The following RCSD1 variants were observed in gnomAD, a reference collection of about 807,000 sequenced individuals.
RCSD1 encodes RCSD domain containing 1.
RCSD1 carries 26 observed loss-of-function variants against 42.5 expected under a neutral mutation model. The ratio of observed to expected loss-of-function variants is 0.61; its 90% CI spans 0.45 to 0.85. RCSD1 has a LOEUF of 0.85. Ranked by LOEUF, RCSD1 falls within the 40% of genes least tolerant of loss-of-function variation. The pLI is 0.00. For missense variants in RCSD1, 571 were observed against 528.3 expected, an observed-to-expected ratio of 1.08 and a Z score of -0.79; for synonymous variants, 220 against 212.2, an observed-to-expected ratio of 1.04 and a Z score of -0.32.
intron 1 of RCSD1, among the ~76,000 whole-genome samples, chr1:167,669,550 T>A (rs1314078709): frequency 1.3e-5 from 2 of 152,148 alleles, no homozygotes; most frequent in African/African-American, 2.4e-5. Context: ...TTACATGGAG[T>A]ACTAGGCAAA....
chr1:167,658,199 G>A (rs1658463656), intron 1 of RCSD1, among the ~76,000 whole-genome samples: 1 of 152,146 alleles, frequency 6.6e-6, no homozygotes, highest in Admixed American at 6.5e-5. Context: ...CCTGTGTCCA[G>A]CCTCCAGAAA....
In RCSD1 at chr1:167,704,079, G is replaced by A. The variant is rs147343157; in HGVS notation, c.1219-585G>A. Among the ~76,000 whole-genome samples the A allele has an allele frequency of 3.9e-4, 60 of 152,264 alleles. No homozygotes were observed. The East Asian group carries it at 7.9e-3, about 20-fold the overall frequency. The stretch of plus-strand genomic sequence containing the variant: ...TGATGGGGACGAGGCTGGAGTCCTG[G>A]TACAGCTCCTAGCACAGAAGGATCT... On this transcript the variant is annotated intron_variant, in intron 6 of 6. Coordinates refer to ENST00000367854, the MANE Select transcript of RCSD1 (RefSeq NM_052862.4).
intron 1 of RCSD1, among the ~76,000 whole-genome samples, chr1:167,647,621 C>A (rs1341742899): frequency 2.0e-5 from 3 of 152,066 alleles, no homozygotes; most frequent in Non-Finnish European, 2.9e-5. Context: ...CACCTGTAGT[C>A]CCAGCTATTC....
intron 6 of RCSD1, among the ~76,000 whole-genome samples, chr1:167,700,029 T>G (rs1486120999): frequency 6.6e-6 from 1 of 152,234 alleles, no homozygotes; most frequent in Non-Finnish European, 1.5e-5. Flanking sequence ...TTAATTGTAT[T>G]TCTCTACTCC....
intron 1 of RCSD1, among the ~76,000 whole-genome samples, chr1:167,675,787 A>G (rs1255582312): frequency 6.6e-6 from 1 of 152,198 alleles, no homozygotes; most frequent in East Asian, 1.9e-4. Context: ...TGCCTTAGTA[A>G]TAAAATAGCC....
chr1:167,635,550 G>T (rs964370338), intron 1 of RCSD1, among the ~76,000 whole-genome samples: 2 of 152,238 alleles, frequency 1.3e-5, no homozygotes, highest in South Asian at 2.1e-4. Flanking sequence ...AGCTTGGCGC[G>T]CGCGGTTCCG....
At chr1:167,634,805 T>C (rs1209915017) in intron 1 of RCSD1, among the ~76,000 whole-genome samples, 4 of 152,204 alleles carry the variant, frequency 2.6e-5, no homozygotes, top group Admixed American at 2.6e-4. Context: ...CCAGATATTA[T>C]TTGTCATTCA....
rs1659780029 is a variant in RCSD1 at position 167,707,320 on chromosome 1, C to G, written c.*2624C>G. 6.6e-6 allele frequency among the ~76,000 whole-genome samples: 1 copy of G among 152,234 alleles called. No individual in the cohort carries two copies. Among genetic ancestry groups the G allele is most frequent in the African/African-American group, 2.4e-5 (1 of 41,460 alleles). On this transcript the variant is annotated 3_prime_UTR_variant, in exon 7 of 7. Transcript: ENST00000367854. ...TCAAAGAAATAAATGCGTGAAAAGG[C>G]AACCAGTTCATCATCTTATGATTAG...
Position 167,652,691 on chromosome 1 carries a change from G to T in RCSD1, c.6+22262G>T, listed in dbSNP as rs998999521. On this transcript the variant is annotated intron_variant, in intron 1 of 6. Transcript: ENST00000367854. ...TTGATTTGCTGTTATGTGACTCATCGCAGGGCACAAAGCATGGGGGATTTT... is the reference window on the plus strand; with the variant it reads ...TTGATTTGCTGTTATGTGACTCATCTCAGGGCACAAAGCATGGGGGATTTT... Among the ~76,000 whole-genome samples, 2 of 152,102 alleles carry T rather than the reference G, an allele frequency of 1.3e-5. 1 individual carries two copies. Among genetic ancestry groups the T allele is most frequent in the Admixed American group, 1.3e-4 (2 of 15,262 alleles).
intron 4 of RCSD1, among the ~76,000 whole-genome samples, chr1:167,691,624 G>T (rs1298527801): frequency 1.3e-5 from 2 of 152,250 alleles, no homozygotes; most frequent in Non-Finnish European, 2.9e-5. Flanking sequence ...GGCATCAGAG[G>T]TGTCAAGACG....
intron 1 of RCSD1, among the ~76,000 whole-genome samples, chr1:167,632,444 C>T (rs1195248166): frequency 6.6e-6 from 1 of 152,154 alleles, no homozygotes; most frequent in Non-Finnish European, 1.5e-5. Flanking sequence ...GTTTCTCCCC[C>T]CTCAGATGAG....
chr1:167,691,449 C>T (rs981648204), intron 4 of RCSD1, among the ~76,000 whole-genome samples: 8 of 152,328 alleles, frequency 5.3e-5, no homozygotes, highest in Non-Finnish European at 8.8e-5. Flanking sequence ...AGCTAAAGTG[C>T]GGAGGAGAGG....
chr1:167,666,930 T>A (rs1225302541), intron 1 of RCSD1, among the ~76,000 whole-genome samples: 1 of 152,260 alleles, frequency 6.6e-6, no homozygotes, highest in Non-Finnish European at 1.5e-5. Context: ...AGACAATTCT[T>A]CCACTGTGGC....
chr1:167,696,142 C>T (rs12065083), intron 5 of RCSD1, among the ~76,000 whole-genome samples: 3,674 of 151,824 alleles, frequency 0.024, 158 homozygotes, highest in African/African-American at 0.083. Flanking sequence ...CTCAGCACCC[C>T]TGAGGTCCCT....
chr1:167,652,506 C>G (rs1441192205), intron 1 of RCSD1, among the ~76,000 whole-genome samples: 1 of 152,226 alleles, frequency 6.6e-6, no homozygotes, highest in Non-Finnish European at 1.5e-5. Context: ...GGAAACAGGC[C>G]TGCTGCTCCC....
intron 1 of RCSD1, among the ~76,000 whole-genome samples, chr1:167,675,884 C>G (rs1465427610): frequency 1.3e-5 from 2 of 151,878 alleles, no homozygotes; most frequent in Non-Finnish European, 2.9e-5. Flanking sequence ...AGCTGGGGCT[C>G]TATCTGGGAC....
Position 167,698,121 on chromosome 1 carries a change from G to A in RCSD1, c.1218+279G>A, listed in dbSNP as rs12021559. ...GGGTGTGTGTGAGTGACCGAGCCTC[G>A]GCACGGCTCAGTAACTGAGGCCTGC... is the stretch of plus-strand genomic sequence containing the variant. On this transcript the variant is annotated intron_variant, in intron 6 of 6. Coordinates refer to ENST00000367854, the MANE Select transcript of RCSD1 (RefSeq NM_052862.4). 2.9e-3 allele frequency among the ~76,000 whole-genome samples: 435 copies of A among 152,310 alleles called. 9 individuals carry two copies. The East Asian group carries it at 0.047, about 17-fold the overall frequency.
At chr1:167,693,240 G>A (rs550701466) in intron 4 of RCSD1, among the ~76,000 whole-genome samples, 1 of 152,230 alleles carries the variant, frequency 6.6e-6, no homozygotes, top group Admixed American at 6.5e-5. Context: ...TGGTGATTTG[G>A]GAATGCAGAG....
At chr1:167,633,067 A>C (rs10800321) in intron 1 of RCSD1, among the ~76,000 whole-genome samples, 105,521 of 152,094 alleles carry the variant, frequency 0.69, 37,074 homozygotes, top group East Asian at 0.81. Context: ...ACCAGACCAA[A>C]GAGGGTTACT....
Sources: allele counts gnomAD v4.1 joint callset (sites outside exome capture counted in the v4.1 genomes callset), GRCh38; gene constraint gnomAD v4.1.1; transcripts MANE v1.5; gene names NCBI Gene and HGNC (gene_info 2026-07-23, HGNC 2026-07-21).